APC: variants seen among roughly 807,000 people sequenced by gnomAD.
APC encodes the protein adenomatous polyposis coli protein.
APC carries 72 observed loss-of-function variants against 247.0 expected under a neutral mutation model. The observed-to-expected ratio is 0.29, with a 90% CI of 0.24 to 0.35. The LOEUF is 0.35. Ranked by LOEUF, APC falls within the 10% of genes least tolerant of loss-of-function variation. APC has a pLI of 1.00. For synonymous variants in APC, 1,254 were observed against 1,162.5 expected (o/e 1.08, Z -1.60); for missense variants, 3,400 against 3,360.7 (o/e 1.01, Z -0.29).
At chr5:112,712,437 C>T (rs922510460) in intron 1 of APC, among the ~76,000 whole-genome samples, 1 of 152,070 alleles carries the variant, frequency 6.6e-6, no homozygotes, top group African/African-American at 2.4e-5. Context: ...CCCAGACTGG[C>T]ATGTAGTGGC....
At chr5:112,794,656 C>G (rs977104504) in intron 7 of APC, among the ~76,000 whole-genome samples, 13 of 152,134 alleles carry the variant, frequency 8.5e-5, no homozygotes, top group Non-Finnish European at 1.9e-4. Flanking sequence ...CTCACACTAA[C>G]TACCCAGAGT....
chr5:112,793,664 G>C (rs532017212), intron 7 of APC, among the ~76,000 whole-genome samples: 17 of 152,274 alleles, frequency 1.1e-4, no homozygotes, highest in Non-Finnish European at 2.5e-4. Context: ...ATCATTCTAG[G>C]AAGGTTCAAT....
intron 10 of APC, among the ~76,000 whole-genome samples, chr5:112,821,626 G>A (rs1280857388): frequency 6.6e-6 from 1 of 151,934 alleles, no homozygotes; most frequent in Non-Finnish European, 1.5e-5. Context: ...AGCTATATGA[G>A]TAATAGCATA....
At position 112,839,034 on chromosome 5, in the gene APC, A is replaced by G. The variant is rs1580635474; in HGVS notation, c.3440A>G (p.Tyr1147Cys). Residue 1147 changes from tyrosine (Y) to cysteine (C), a missense_variant, in exon 16 of 16, where the codon TAC (tyrosine) becomes TGC (cysteine). Coordinates refer to ENST00000257430, the MANE Select transcript of APC (RefSeq NM_000038.6). This position sits in a 1 kb window ranked among gnomAD's most constrained non-coding sequence, Gnocchi z 5.0. ...DDKPTNYSER[Y>C]SEEEQHEEEE... ...AAGCCTACCAATTATAGTGAACGTT[A>G]CTCTGAAGAAGAACAGCATGAAGAA... 6.2e-7 allele frequency: 1 copy of G among 1,614,122 alleles called. No homozygotes were observed. The highest frequency in any genetic ancestry group is 8.5e-7 in the Non-Finnish European group (1 of 1,180,024).
intron 4 of APC, among the ~76,000 whole-genome samples, chr5:112,773,281 A>G (rs556434108): frequency 1.3e-5 from 2 of 152,322 alleles, no homozygotes; most frequent in South Asian, 4.1e-4. Flanking sequence ...AGAAACAATA[A>G]TCAAGCAGAA....
intron 6 of APC, among the ~76,000 whole-genome samples, chr5:112,783,547 C>G (rs1386603701): frequency 6.7e-6 from 1 of 149,970 alleles, no homozygotes; most frequent in Non-Finnish European, 1.5e-5. Context: ...AATTCTAGCA[C>G]TTTGAGAGGC....
At position 112,757,686 on chromosome 5, in the gene APC, G is replaced by GAAAAAC. The variant is rs535936164; in HGVS notation, c.135+2678_135+2683dup. On this transcript the variant is annotated intron_variant, in intron 2 of 15. Coordinates refer to ENST00000257430, the MANE Select transcript of APC (RefSeq NM_000038.6). ...CAAAAGAGCCAGACCTGGTCTGTCT[G>GAAAAAC]AAAAACAAAAACAAAAACAAAACAA... 3.0e-4 allele frequency among the ~76,000 whole-genome samples: 46 copies of GAAAAAC among 152,158 alleles called. No individual in the cohort carries two copies. The South Asian group carries it at 6.8e-3, about 23-fold the overall frequency.
chr5:112,755,767 C>A (rs1289767100), intron 2 of APC, among the ~76,000 whole-genome samples: 1 of 152,126 alleles, frequency 6.6e-6, no homozygotes, highest in Non-Finnish European at 1.5e-5. Flanking sequence ...TAGGCAGATT[C>A]TCTTCTGACT....
intron 4 of APC, among the ~76,000 whole-genome samples, chr5:112,769,050 C>CTTTTTTTTTTTTTTTTTTT (rs11379766): frequency 2.1e-5 from 2 of 96,826 alleles, no homozygotes; most frequent in Non-Finnish European, 3.9e-5. Context: ...TTTTTTTCTT[C>CTTTTTTTTTTTTTTTTTTT]TTTTTTTTTT....
intron 1 of APC, among the ~76,000 whole-genome samples, chr5:112,716,737 G>C (rs1751193503): frequency 6.6e-6 from 1 of 152,168 alleles, no homozygotes; most frequent in Admixed American, 6.5e-5. Flanking sequence ...GCATAGAAAT[G>C]TGTAATAGCT....
chr5:112,828,148 A>G, intron 13 of APC, 142 bp downstream of exon 13: 1 of 742,214 alleles, frequency 1.3e-6, no homozygotes, highest in South Asian at 1.5e-5. Context: ...CAATCCTCCC[A>G]CTTCAGCCTC....
chr5:112,782,582 C>A (rs74574365), intron 6 of APC, among the ~76,000 whole-genome samples: 3 of 152,070 alleles, frequency 2.0e-5, no homozygotes, highest in Non-Finnish European at 2.9e-5. Flanking sequence ...AGTTATAATA[C>A]GTGTATATAT....
At position 112,839,652 on chromosome 5, in the gene APC, A is replaced by T. The variant is rs2149905269; in HGVS notation, c.4058A>T (p.Glu1353Val). The T allele has an allele frequency of 6.2e-7, 1 of 1,614,128 alleles. No homozygotes were observed. ...GAATCAGCCAGGCACAAAGCTGTTGAATTTTCTTCAGGAGCGAAATCTCCC... is the reference window on the plus strand; with the variant it reads ...GAATCAGCCAGGCACAAAGCTGTTGTATTTTCTTCAGGAGCGAAATCTCCC... ...SSESARHKAVEFSSGAKSPSK... is the reference protein window; with the variant it reads ...SSESARHKAVVFSSGAKSPSK... The change falls in exon 16 of 16, where the codon GAA (glutamate) becomes GTA (valine). Residue 1353 changes from glutamate (E) to valine (V), a missense_variant. Physicochemically the swap from Glu to Val is moderately radical, Grantham distance 121. Transcript: ENST00000257430. The surrounding 1 kb of genome is among the most constrained non-coding windows in gnomAD (Gnocchi z 5.0).
At chr5:112,735,365 A>G (rs112201575), upstream of APC, among the ~76,000 whole-genome samples, 4,077 of 152,160 alleles carry the variant, frequency 0.027, 80 homozygotes, top group Non-Finnish European at 0.042. Flanking sequence ...CTTGGTAGAA[A>G]TGAGGTTTCG....
chr5:112,818,844 T>TTTG, intron 9 of APC, 122 bp from the exon 10 acceptor site: 9 of 842,596 alleles, frequency 1.1e-5, no homozygotes, highest in South Asian at 1.7e-5. Context: ...GTTTTTTTTT[T>TTTG]GGCGGGGGGG....
At position 112,819,213 on chromosome 5, in the gene APC, A is replaced by C. The variant is rs1247206133; in HGVS notation, c.1181A>C (p.Gln394Pro). The change falls in exon 10 of 16, where the codon CAG becomes CCG. Residue 394 changes from glutamine to proline, a missense_variant. Physicochemically the swap from Gln to Pro is moderately conservative, Grantham distance 76. Around this residue, in one of 9 missense-constraint regions of APC, gnomAD observed 199 missense variants for 212.5 expected, o/e 0.94. Coordinates refer to ENST00000257430, the MANE Select transcript of APC (RefSeq NM_000038.6). ...SAALHNIIHSQPDDKRGRREI... is the reference protein window; with the variant it reads ...SAALHNIIHSPPDDKRGRREI... Reference sequence around the variant, plus strand: ...GCACTCCACAACATCATTCACTCACAGCCTGATGACAAGAGAGGCAGGCGT... The same window carrying C: ...GCACTCCACAACATCATTCACTCACCGCCTGATGACAAGAGAGGCAGGCGT... The C allele has an allele frequency of 6.2e-7, 1 of 1,614,010 alleles. No homozygotes were observed. The highest frequency in any genetic ancestry group is 2.2e-5 in the East Asian group (1 of 44,838).
At chr5:112,827,427 G>A (rs1007807417) in intron 12 of APC, among the ~76,000 whole-genome samples, 180 bp downstream of exon 12, 2 of 151,962 alleles carry the variant, frequency 1.3e-5, no homozygotes, top group Non-Finnish European at 2.9e-5. Flanking sequence ...CCTAAACAAA[G>A]GCAAAGGTAC....
chr5:112,737,901 A>C lies in APC; in HGVS notation c.-43A>C, dbSNP rs879254014. 24 of 985,376 alleles carry C rather than the reference A, an allele frequency of 2.4e-5. No homozygotes were observed. In the Admixed American group the frequency reaches 8.0e-4, roughly 33 times the overall value. The allele number at this position is 985,376 out of a possible 1,614,324, so 61.0% of individuals were successfully genotyped here. The stretch of plus-strand genomic sequence containing the variant: ...CAGGGTGTCACTGGAGACAGAATGG[A>C]GGTGCTGCCGGACTCGGAAATGGGG... On this transcript the variant is annotated 5_prime_UTR_variant, in exon 1 of 16. Transcript: ENST00000257430.
chr5:112,788,664 C>G (rs1759242122), intron 6 of APC, among the ~76,000 whole-genome samples: 1 of 152,052 alleles, frequency 6.6e-6, no homozygotes, highest in East Asian at 1.9e-4. Context: ...AAGGTTTTGT[C>G]AAATTCTTCA....
Sources: allele counts gnomAD v4.1 joint callset (sites outside exome capture counted in the v4.1 genomes callset), GRCh38; gene constraint gnomAD v4.1.1; regional missense constraint gnomAD v4.1.1; non-coding constraint Gnocchi (gnomAD v3.1); transcripts MANE v1.5; gene names NCBI Gene and HGNC (gene_info 2026-07-23, HGNC 2026-07-21).